The following COBL variants were observed in gnomAD, a reference collection of about 807,000 sequenced individuals.
COBL encodes the protein cordon-bleu WH2 repeat protein.
In COBL, 51 loss-of-function variants were observed where a neutral mutation model predicts 98.8. The ratio of observed to expected loss-of-function variants is 0.52; its 90% CI spans 0.41 to 0.65. The LOEUF is 0.65. Ranked by LOEUF, COBL falls within the 30% of genes least tolerant of loss-of-function variation. The probability of loss-of-function intolerance (pLI) is 0.00; values close to 1 mark genes in which losing one functional copy is unlikely to be tolerated. For synonymous variants in COBL, 634 were observed against 651.7 expected, an observed-to-expected ratio of 0.97 and a Z score of 0.41; for missense variants, 1,617 against 1,617.5, an observed-to-expected ratio of 1.00 and a Z score of 0.01.
chr7:51,267,968 G>A (rs991523308), intron 1 of COBL, among the ~76,000 whole-genome samples: 7 of 152,168 alleles, frequency 4.6e-5, no homozygotes, highest in Non-Finnish European at 7.3e-5. Context: ...ACACCCGGGG[G>A]CCTGTACCTC....
intron 1 of COBL, among the ~76,000 whole-genome samples, chr7:51,301,924 C>T (rs563249680): frequency 6.6e-6 from 1 of 152,310 alleles, no homozygotes; most frequent in East Asian, 1.9e-4. Context: ...AGTTTTCAAC[C>T]CCCAGCTCAA....
intron 5 of COBL, among the ~76,000 whole-genome samples, chr7:51,158,317 A>C (rs1028508760): frequency 2.4e-4 from 37 of 152,234 alleles, no homozygotes; most frequent in African/African-American, 8.2e-4. Flanking sequence ...CTCAAGGTGC[A>C]GTTTATGTTG....
At chr7:51,055,265 T>C (rs1362344195) in intron 7 of COBL, among the ~76,000 whole-genome samples, 1 of 152,162 alleles carries the variant, frequency 6.6e-6, no homozygotes, top group Non-Finnish European at 1.5e-5. Context: ...TGCCACTCTT[T>C]CCTGTTGCAC....
intron 6 of COBL, among the ~76,000 whole-genome samples, chr7:51,134,080 C>T (rs1260034807): frequency 6.6e-6 from 1 of 152,196 alleles, no homozygotes; most frequent in African/African-American, 2.4e-5. Context: ...ATAAATAAGG[C>T]TTCCCAAACA....
intron 6 of COBL, among the ~76,000 whole-genome samples, chr7:51,124,353 A>G (rs753192219): frequency 9.2e-5 from 14 of 151,994 alleles, no homozygotes; most frequent in Non-Finnish European, 1.9e-4. Flanking sequence ...AGCAATCTCC[A>G]ATTGATTTAG....
intron 8 of COBL, among the ~76,000 whole-genome samples, chr7:51,040,262 T>C: frequency 6.8e-6 from 1 of 146,492 alleles, no homozygotes; most frequent in South Asian, 2.2e-4. Context: ...CCCCCTCCCC[T>C]CAAAAACACA....
At chr7:51,122,119 T>C (rs2128990780) in intron 6 of COBL, among the ~76,000 whole-genome samples, 1 of 152,330 alleles carries the variant, frequency 6.6e-6, no homozygotes, top group African/African-American at 2.4e-5. Context: ...TGTCACACTC[T>C]AGTGAGTGTT....
At chr7:51,087,509 T>C (rs1406468953) in intron 6 of COBL, among the ~76,000 whole-genome samples, 4 of 151,768 alleles carry the variant, frequency 2.6e-5, no homozygotes, top group Non-Finnish European at 4.4e-5. Context: ...TTGTTGCTTG[T>C]TTTTTTTGAG....
intron 2 of COBL, among the ~76,000 whole-genome samples, chr7:51,201,180 C>T (rs1382557600): frequency 6.9e-6 from 1 of 145,308 alleles, no homozygotes; most frequent in Non-Finnish European, 1.5e-5. Flanking sequence ...ACAGAGATTG[C>T]AGTAAGCCGA....
intron 12 of COBL, among the ~76,000 whole-genome samples, chr7:51,024,337 TAATAA>T (rs1407745490): frequency 2.0e-5 from 3 of 150,690 alleles, no homozygotes; most frequent in Non-Finnish European, 2.9e-5. Flanking sequence ...ATAAATAAAA[TAATAA>T]AATAAAATAA....
intron 7 of COBL, among the ~76,000 whole-genome samples, chr7:51,079,991 C>T (rs1009088963): frequency 3.3e-5 from 5 of 152,198 alleles, no homozygotes; most frequent in African/African-American, 1.2e-4. Context: ...ACAGTTTCAG[C>T]ATCAAAATTG....
chr7:51,110,866 T>C (rs1796759001), intron 6 of COBL, among the ~76,000 whole-genome samples: 2 of 152,270 alleles, frequency 1.3e-5, no homozygotes, highest in African/African-American at 2.4e-5. Flanking sequence ...ATGCTGTTAA[T>C]TTATTCCTTT....
Position 51,017,429 on chromosome 7 carries a change from C to CG in COBL, c.*121_*122insC. 1.6e-6 allele frequency: 1 copy of CG among 618,162 alleles called. No homozygotes were observed. Among genetic ancestry groups the CG allele is most frequent in the Non-Finnish European group, 2.6e-6 (1 of 383,928 alleles). 38.3% of individuals were successfully genotyped at this position (618,162 alleles called of 1,614,324 possible). On this transcript the variant is annotated 3_prime_UTR_variant, in exon 13 of 13. Transcript: ENST00000265136. ...GAACACACCGAAAATCAACTGTGCG[C>CG]ATTTGGCCTGTAGACAAGAAAGTAA...
chr7:51,232,818 A>G (rs1794891040), intron 1 of COBL, among the ~76,000 whole-genome samples: 1 of 152,146 alleles, frequency 6.6e-6, no homozygotes, highest in African/African-American at 2.4e-5. Context: ...CACAAAAAAA[A>G]AAGAAAGAAA....
intron 1 of COBL, among the ~76,000 whole-genome samples, chr7:51,227,484 G>A (rs979800392): frequency 6.6e-6 from 1 of 152,118 alleles, no homozygotes; most frequent in African/African-American, 2.4e-5. Flanking sequence ...TGAAGGCCAT[G>A]GACCTTCTTC....
In COBL at chr7:51,119,139, T is replaced by C. The variant is rs930001720; in HGVS notation, c.957+17019A>G. On this transcript the variant is annotated intron_variant, in intron 6 of 12. Coordinates refer to ENST00000265136, the MANE Select transcript of COBL (RefSeq NM_015198.5). ...CATACCTACCAAAGTTACAGGGACA[T>C]TATCTGACAAATACAGAGATTCTGT... 3.9e-5 allele frequency among the ~76,000 whole-genome samples: 6 copies of C among 152,324 alleles called. No homozygotes were observed. In the South Asian group the frequency reaches 1.2e-3, roughly 32 times the overall value.
At chr7:51,156,953 C>T (rs1411392618) in intron 5 of COBL, among the ~76,000 whole-genome samples, 2 of 152,202 alleles carry the variant, frequency 1.3e-5, no homozygotes, top group Non-Finnish European at 2.9e-5. Context: ...CTTCTCTGTA[C>T]AGACCTTCCT....
chr7:51,285,266 C>G (rs959822550), intron 1 of COBL, among the ~76,000 whole-genome samples: 1 of 151,832 alleles, frequency 6.6e-6, no homozygotes, highest in African/African-American at 2.4e-5. Flanking sequence ...TACTGGAAAT[C>G]TACACTGTAC....
In COBL at chr7:51,028,659, G is replaced by C; in HGVS notation, c.2437C>G (p.Pro813Ala). ...GCAGACTTCTGCTGGGGCGATATTG[G>C]CTTGGGGTCTGCTTGGAGTCTGCTC... ...PESRLQADPK[P>A]ISPQQKSAHH... Residue 813 changes from proline to alanine, a missense_variant, in exon 10 of 13, where the codon CCA (proline) becomes GCA (alanine). By Grantham distance (27) the Pro-to-Ala change is conservative. This residue lies in a region of COBL where 1,304 missense variants were observed against 1,282.0 expected (regional missense o/e 1.02). Transcript: ENST00000265136. 3 of 1,612,988 alleles carry C rather than the reference G, an allele frequency of 1.9e-6. No homozygotes were observed. The South Asian group carries it at 3.3e-5, about 18-fold the overall frequency.
Sources: allele counts gnomAD v4.1 joint callset (sites outside exome capture counted in the v4.1 genomes callset), GRCh38; gene constraint gnomAD v4.1.1; regional missense constraint gnomAD v4.1.1; transcripts MANE v1.5; gene names NCBI Gene and HGNC (gene_info 2026-07-23, HGNC 2026-07-21).